TMEM26: variants seen among roughly 807,000 people sequenced by gnomAD.
TMEM26 encodes transmembrane protein 26.
A neutral mutation model predicts 28.8 loss-of-function variants in TMEM26; 38 were observed. That is an observed-to-expected ratio of 1.32 (90% CI 1.02 to 1.73). The LOEUF (loss-of-function observed/expected upper bound fraction) is 1.73, where lower values mean the gene tolerates loss of function less well. TMEM26 is among the 40% of genes most tolerant of loss of function. TMEM26 has a pLI of 0.00. For missense variants in TMEM26, 518 were observed against 447.1 expected (o/e 1.16, Z -1.43); for synonymous variants, 227 against 182.9 (o/e 1.24, Z -1.95).
rs1839975778 is a variant in TMEM26, at chr10:61,434,701, A to G, written c.270+1469T>C. ...TTTTTAGCAGATTGAAGGGAGAAAA[A>G]TGTTTTATTCATCCCTACATTCTTG... is the stretch of plus-strand genomic sequence containing the variant. On this transcript the variant is annotated intron_variant, in intron 2 of 5. Transcript: ENST00000399298. 3.9e-5 allele frequency among the ~76,000 whole-genome samples: 6 copies of G among 152,170 alleles called. No individual in the cohort carries two copies. The South Asian group carries it at 1.2e-3, about 32-fold the overall frequency.
chr10:61,444,703 C>T (rs1840151637), intron 1 of TMEM26, among the ~76,000 whole-genome samples: 1 of 146,376 alleles, frequency 6.8e-6, no homozygotes, highest in African/African-American at 2.5e-5. Context: ...TTCTCTACTA[C>T]AGAAAATCCT....
chr10:61,429,275 TA>T, intron 3 of TMEM26, 129 bp from the exon 4 acceptor site: 1 of 727,514 alleles, frequency 1.4e-6, no homozygotes, highest in Non-Finnish European at 2.2e-6. Flanking sequence ...ATTCTTTACT[TA>T]CTAAAGAAAG....
In TMEM26 at chr10:61,426,921, T is replaced by C. The variant is rs1270940216; in HGVS notation, c.605+2005A>G. 4.6e-5 allele frequency among the ~76,000 whole-genome samples: 7 copies of C among 152,000 alleles called. No individual in the cohort carries two copies. The South Asian group carries it at 1.0e-3, about 22-fold the overall frequency. Reference sequence around the variant, plus strand: ...CAGGAAATCAGAACATGGAAGCTAATTTTTAGGAGAGAGAAAAATTTTATA... The same window carrying C: ...CAGGAAATCAGAACATGGAAGCTAACTTTTAGGAGAGAGAAAAATTTTATA... On this transcript the variant is annotated intron_variant, in intron 4 of 5. Coordinates refer to ENST00000399298, the MANE Select transcript of TMEM26 (RefSeq NM_178505.8).
At chr10:61,416,257 C>T (rs774444276) in intron 4 of TMEM26, 7 of 364,170 alleles carry the variant, frequency 1.9e-5, no homozygotes, top group Non-Finnish European at 3.2e-5. Flanking sequence ...GTGCAATTTG[C>T]CTGCAAGGCA....
intron 4 of TMEM26, among the ~76,000 whole-genome samples, chr10:61,425,415 CA>C (rs532295822): frequency 4.9e-4 from 75 of 151,900 alleles, no homozygotes; most frequent in Non-Finnish European, 9.0e-4. Context: ...GATATGACAC[CA>C]AAAATGTGAA....
At position 61,408,030 on chromosome 10, in the gene TMEM26, C is replaced by A. The variant is rs1364435955; in HGVS notation, c.*2292G>T. On this transcript the variant is annotated 3_prime_UTR_variant, in exon 6 of 6. Coordinates refer to ENST00000399298, the MANE Select transcript of TMEM26 (RefSeq NM_178505.8). ...AGTCTTAGGAATGGCTAATATATAACCTAGGTTTAGAGCTTTTATTCAAAT... is the reference window on the plus strand; with the variant it reads ...AGTCTTAGGAATGGCTAATATATAAACTAGGTTTAGAGCTTTTATTCAAAT... The A allele has an allele frequency of 2.0e-5, 3 of 152,146 alleles. No individual in the cohort carries two copies. Among genetic ancestry groups the A allele is most frequent in the Non-Finnish European group, 4.4e-5 (3 of 68,028 alleles). 9.4% of individuals were successfully genotyped at this position (152,146 alleles called of 1,614,324 possible). A position where few individuals can be genotyped will look rare whatever the true frequency, so the allele number is the denominator to read the frequency against.
intron 4 of TMEM26, chr10:61,414,454 G>C (rs1163940213): frequency 6.6e-6 from 1 of 152,014 alleles, no homozygotes; most frequent in East Asian, 1.9e-4. Context: ...TGAGGTGATT[G>C]TAAGGGATAT....
intron 4 of TMEM26, 158 bp from the exon 5 acceptor site, chr10:61,413,693 A>G: frequency 7.6e-7 from 1 of 1,318,572 alleles, no homozygotes; most frequent in Non-Finnish European, 9.7e-7. Context: ...TTACATGATA[A>G]TAATGGAATA....
intron 1 of TMEM26, among the ~76,000 whole-genome samples, chr10:61,445,117 T>C (rs1840157834): frequency 6.6e-6 from 1 of 152,202 alleles, no homozygotes; most frequent in Non-Finnish European, 1.5e-5. Context: ...TTACATGAGA[T>C]AAGGGAAAGA....
chr10:61,411,787 C>A (rs1293962247), intron 5 of TMEM26, among the ~76,000 whole-genome samples: 2 of 152,118 alleles, frequency 1.3e-5, no homozygotes, highest in Admixed American at 6.6e-5. Flanking sequence ...AATAATGAAG[C>A]CTTCCATTTG....
intron 1 of TMEM26, among the ~76,000 whole-genome samples, chr10:61,447,940 G>A (rs1014536284): frequency 9.2e-5 from 14 of 152,208 alleles, no homozygotes; most frequent in Non-Finnish European, 1.3e-4. Flanking sequence ...TAATTCATCT[G>A]TTTATTAATT....
intron 2 of TMEM26, among the ~76,000 whole-genome samples, chr10:61,433,574 T>C (rs924664016): frequency 1.3e-5 from 2 of 152,124 alleles, no homozygotes; most frequent in African/African-American, 4.8e-5. Context: ...ATCATTGTCA[T>C]AAACGTTTTG....
chr10:61,429,292 T>C, intron 3 of TMEM26, 146 bp from the exon 4 acceptor site: 1 of 668,982 alleles, frequency 1.5e-6, no homozygotes, highest in East Asian at 2.7e-5. Context: ...GAAAGTAAAA[T>C]GCCTTTCAGC....
At chr10:61,427,705 T>G (rs1335095501) in intron 4 of TMEM26, among the ~76,000 whole-genome samples, 1 of 152,102 alleles carries the variant, frequency 6.6e-6, no homozygotes, top group African/African-American at 2.4e-5. Context: ...CTATGTTCCC[T>G]CCCAACTCCC....
At chr10:61,450,100 A>C (rs1840251512) in intron 1 of TMEM26, among the ~76,000 whole-genome samples, 1 of 152,160 alleles carries the variant, frequency 6.6e-6, no homozygotes, top group South Asian at 2.1e-4. Flanking sequence ...ATGGATATTA[A>C]TATTTTTGCT....
In TMEM26 at chr10:61,443,190, C is replaced by T. The variant is rs905685781; in HGVS notation, c.192-6942G>A. 3.3e-5 allele frequency among the ~76,000 whole-genome samples: 5 copies of T among 151,814 alleles called. No individual in the cohort carries two copies. In the South Asian group the frequency reaches 8.3e-4, roughly 25 times the overall value. ...AGATCAGGCCCGGTGCAGTGTGTCA[C>T]GCCTGTAATCCCAGCCCTTTGAGAG... On this transcript the variant is annotated intron_variant, in intron 1 of 5. Transcript: ENST00000399298.
intron 3 of TMEM26, among the ~76,000 whole-genome samples, chr10:61,430,871 C>A (rs1035429964): frequency 4.0e-5 from 6 of 151,750 alleles, no homozygotes; most frequent in African/African-American, 1.5e-4. Flanking sequence ...TCTAAAATTC[C>A]TCTAAAAAAT....
At chr10:61,443,969 C>T (rs1046109304) in intron 1 of TMEM26, among the ~76,000 whole-genome samples, 1 of 152,162 alleles carries the variant, frequency 6.6e-6, no homozygotes, top group Non-Finnish European at 1.5e-5. Context: ...TCATGGCATC[C>T]TCCTAAATGA....
intron 4 of TMEM26, 105 bp downstream of exon 4, chr10:61,428,821 A>T: frequency 1.1e-6 from 1 of 951,610 alleles, no homozygotes; most frequent in Non-Finnish European, 1.6e-6. Flanking sequence ...CATATAAAAT[A>T]TACTAAAAAT....
Sources: gnomAD v4.1 joint callset for allele counts (sites outside exome capture counted in the v4.1 genomes callset) on GRCh38, gnomAD v4.1.1 for gene constraint, MANE v1.5 for transcripts, NCBI Gene and HGNC (gene_info 2026-07-23, HGNC 2026-07-21) for gene names.